INSC: variants seen among roughly 807,000 people sequenced by gnomAD.
The protein encoded by INSC is protein inscuteable homolog.
A neutral mutation model predicts 58.6 loss-of-function variants in INSC; 67 were observed. The observed-to-expected ratio is 1.14, with a 90% CI of 0.94 to 1.40. INSC has a LOEUF of 1.40. INSC is among the 40% of genes most tolerant of loss of function. The pLI is 0.00. For missense variants in INSC, 714 were observed against 692.0 expected, an observed-to-expected ratio of 1.03 and a Z score of -0.36; for synonymous variants, 262 against 276.1, an observed-to-expected ratio of 0.95 and a Z score of 0.51.
At chr11:15,153,733 C>T (rs1714350) in intron 2 of INSC, among the ~76,000 whole-genome samples, 31,795 of 151,908 alleles carry the variant, frequency 0.21, 3,954 homozygotes, top group Non-Finnish European at 0.27. Flanking sequence ...TGCTGGGAAC[C>T]GAGTTCATAG....
At chr11:15,241,527 A>G (rs1436002720) in intron 12 of INSC, 11 of 701,422 alleles carry the variant, frequency 1.6e-5, no homozygotes, top group Non-Finnish European at 2.6e-5. Context: ...TATTCAATAA[A>G]TGTTTATGGA....
intron 2 of INSC, among the ~76,000 whole-genome samples, chr11:15,153,719 A>G (rs767244294): frequency 5.3e-5 from 8 of 152,146 alleles, no homozygotes; most frequent in Non-Finnish European, 8.8e-5. Flanking sequence ...ATACTTTTGT[A>G]CAGTGCTGGG....
chr11:15,193,435 C>T (rs1177842459), intron 6 of INSC, among the ~76,000 whole-genome samples: 2 of 152,092 alleles, frequency 1.3e-5, no homozygotes, highest in Admixed American at 6.6e-5. Flanking sequence ...TAATGCTATC[C>T]CTCCCCCATC....
At chr11:15,117,302 C>T (rs1214775790) in intron 1 of INSC, among the ~76,000 whole-genome samples, 1 of 151,988 alleles carries the variant, frequency 6.6e-6, no homozygotes, top group Non-Finnish European at 1.5e-5. Context: ...CTCTCACCCA[C>T]CAACTCCTCT....
At chr11:15,257,479 G>A in the INSC span, among the ~76,000 whole-genome samples, 18 of 152,188 alleles carry the variant, frequency 1.2e-4, no homozygotes, top group South Asian at 3.7e-3. Flanking sequence ...ATCATATGTT[G>A]TTAAAGTATT....
the INSC span, among the ~76,000 whole-genome samples, chr11:15,262,419 C>T: frequency 6.6e-6 from 1 of 151,972 alleles, no homozygotes; most frequent in African/African-American, 2.4e-5. Flanking sequence ...AAACGAAGTC[C>T]AGAGACTGCT....
intron 5 of INSC, chr11:15,188,237 G>A (rs1850044131): frequency 1.0e-6 from 1 of 985,332 alleles, no homozygotes; most frequent in African/African-American, 1.7e-5. Context: ...CGAAGGGAAT[G>A]GGAAGCCAGG....
intron 1 of INSC, among the ~76,000 whole-genome samples, chr11:15,140,867 G>T (rs895102540): frequency 2.0e-5 from 3 of 152,028 alleles, no homozygotes; most frequent in African/African-American, 7.3e-5. Flanking sequence ...TTGCAGGTGT[G>T]AGCCACTGCA....
intron 9 of INSC, chr11:15,235,232 C>T: frequency 3.2e-6 from 1 of 315,620 alleles, no homozygotes; most frequent in Non-Finnish European, 6.2e-6. Context: ...GACAAGCCAG[C>T]ACAGAGGAGT....
At chr11:15,118,261 T>C (rs897517110) in intron 1 of INSC, among the ~76,000 whole-genome samples, 1 of 152,202 alleles carries the variant, frequency 6.6e-6, no homozygotes, top group African/African-American at 2.4e-5. Flanking sequence ...TTGTCACCTC[T>C]TATCTGCAGA....
At chr11:15,194,835 G>T (rs908544662) in intron 6 of INSC, among the ~76,000 whole-genome samples, 1 of 152,158 alleles carries the variant, frequency 6.6e-6, no homozygotes, top group Non-Finnish European at 1.5e-5. Flanking sequence ...GTGACTTCTG[G>T]TTCAATCTTT....
chr11:15,240,060 C>A (rs1428948783), intron 11 of INSC, among the ~76,000 whole-genome samples: 1 of 152,074 alleles, frequency 6.6e-6, no homozygotes, highest in African/African-American at 2.4e-5. Context: ...GTCTGCATTG[C>A]AAAGCTAAGT....
At chr11:15,214,310 A>G (rs2133914280) in intron 7 of INSC, among the ~76,000 whole-genome samples, 1 of 152,278 alleles carries the variant, frequency 6.6e-6, no homozygotes, top group Non-Finnish European at 1.5e-5. Context: ...GAAAGAGAAA[A>G]TTTGAGCATC....
chr11:15,120,954 A>G lies in INSC; in HGVS notation c.-46+5951A>G, dbSNP rs12292817. ...ACTTTATTAACTTTCATTCTCTCCA[A>G]TCATGCAAAAATATTATTTTTATTA... On this transcript the variant is annotated intron_variant, in intron 1 of 12. Coordinates refer to ENST00000379556, the MANE Select transcript of INSC (RefSeq NM_001042536.3). 3.9e-3 allele frequency among the ~76,000 whole-genome samples: 586 copies of G among 152,028 alleles called. 8 individuals are homozygous for G. Among genetic ancestry groups the G allele is most frequent in the African/African-American group, 0.013 (541 of 41,508 alleles).
intron 8 of INSC, among the ~76,000 whole-genome samples, chr11:15,222,632 T>A (rs1019687340): frequency 6.6e-6 from 1 of 152,176 alleles, no homozygotes; most frequent in African/African-American, 2.4e-5. Context: ...CACTTCACAA[T>A]TTTCCTAATA....
chr11:15,148,527 C>T (rs994101305), intron 1 of INSC, among the ~76,000 whole-genome samples: 7 of 152,228 alleles, frequency 4.6e-5, no homozygotes, highest in Admixed American at 1.3e-4. Flanking sequence ...TGTCATGGCT[C>T]ATTGGCCTAA....
chr11:15,156,464 A>G (rs924605569), intron 2 of INSC, among the ~76,000 whole-genome samples: 1 of 152,160 alleles, frequency 6.6e-6, no homozygotes, highest in Non-Finnish European at 1.5e-5. Flanking sequence ...GTTTCCACTT[A>G]TTCATTGTGT....
chr11:15,146,159 A>G (rs1658553298), intron 1 of INSC, among the ~76,000 whole-genome samples: 2 of 152,246 alleles, frequency 1.3e-5, no homozygotes. Flanking sequence ...TATTATTGTT[A>G]CAGACACTTT....
At chr11:15,169,019 C>T (rs1357289583) in intron 2 of INSC, among the ~76,000 whole-genome samples, 1 of 152,184 alleles carries the variant, frequency 6.6e-6, no homozygotes, top group African/African-American at 2.4e-5. Flanking sequence ...GCTCTTCCTA[C>T]CCTTATGCCA....
Sources: allele counts gnomAD v4.1 joint callset (sites outside exome capture counted in the v4.1 genomes callset), GRCh38; gene constraint gnomAD v4.1.1; transcripts MANE v1.5; gene names NCBI Gene and HGNC (gene_info 2026-07-23, HGNC 2026-07-21).